OSTN: variants seen among roughly 807,000 people sequenced by gnomAD.
OSTN encodes the protein osteocrin.
Under a neutral mutation model 12.0 loss-of-function variants are expected in OSTN, and 9 were observed. That is an observed-to-expected ratio of 0.75 (90% confidence interval 0.45 to 1.30). The LOEUF is 1.30. Ranked by LOEUF, OSTN falls within the 50% of genes most tolerant of loss-of-function variation. OSTN has a pLI of 0.00. For synonymous variants in OSTN, 59 were observed against 56.9 expected, an observed-to-expected ratio of 1.04 and a Z score of -0.16; for missense variants, 148 against 152.3, an observed-to-expected ratio of 0.97 and a Z score of 0.15.
At chr3:191,205,668 T>C (rs1014797844) in intron 1 of OSTN, among the ~76,000 whole-genome samples, 1 of 152,036 alleles carries the variant, frequency 6.6e-6, no homozygotes, top group Non-Finnish European at 1.5e-5. Context: ...TAGTACTCAA[T>C]TATTTTTAAA....
At chr3:191,245,510 G>A (rs1411160563) in intron 3 of OSTN, among the ~76,000 whole-genome samples, 2 of 152,084 alleles carry the variant, frequency 1.3e-5, no homozygotes, top group African/African-American at 4.8e-5. Context: ...CCATCTCCTG[G>A]TTTCTAATAC....
chr3:191,226,662 CT>C (rs980504226), intron 3 of OSTN, among the ~76,000 whole-genome samples: 4 of 152,082 alleles, frequency 2.6e-5, no homozygotes, highest in Non-Finnish European at 5.9e-5. Context: ...ATTATATAGT[CT>C]TTTTTTACAA....
At chr3:191,211,554 A>G (rs1246965496) in intron 1 of OSTN, among the ~76,000 whole-genome samples, 3 of 152,198 alleles carry the variant, frequency 2.0e-5, no homozygotes, top group East Asian at 3.9e-4. Flanking sequence ...GTAAGAGATA[A>G]GCATTTTCAA....
intron 3 of OSTN, among the ~76,000 whole-genome samples, chr3:191,231,943 AT>A (rs1312547743): frequency 2.0e-5 from 3 of 152,216 alleles, no homozygotes; most frequent in Admixed American, 6.5e-5. Flanking sequence ...ATCAAAAACA[AT>A]TTTTTAATTA....
Position 191,222,068 on chromosome 3 carries a change from T to C in OSTN, c.317+3107T>C, listed in dbSNP as rs114495896. On this transcript the variant is annotated intron_variant, in intron 3 of 4. Transcript: ENST00000682035. ...GGTGCACAGAAGGCAAGAATTGAGG[T>C]TCGCCAACTTCCACCTAGATTTTAG... 1.9e-3 allele frequency among the ~76,000 whole-genome samples: 287 copies of C among 152,350 alleles called. 1 individual carries two copies. Among genetic ancestry groups the C allele is most frequent in the African/African-American group, 6.6e-3 (273 of 41,580 alleles).
intron 4 of OSTN, among the ~76,000 whole-genome samples, chr3:191,251,225 T>C (rs1176878331): frequency 2.0e-5 from 3 of 152,194 alleles, no homozygotes; most frequent in Admixed American, 1.3e-4. Context: ...GTGGTACACA[T>C]AGAATTAAAA....
Position 191,244,881 on chromosome 3 carries a change from G to A in OSTN, c.318-5156G>A, listed in dbSNP as rs1413467466. 3.3e-5 allele frequency among the ~76,000 whole-genome samples: 5 copies of A among 151,914 alleles called. No homozygotes were observed. The East Asian group carries it at 7.7e-4, about 23-fold the overall frequency. ...TTGCAACCAATCCACAATTTGATAAGATGAATCAAAGTAATTATGAATTTG... is the reference window on the plus strand; with the variant it reads ...TTGCAACCAATCCACAATTTGATAAAATGAATCAAAGTAATTATGAATTTG... On this transcript the variant is annotated intron_variant, in intron 3 of 4. Coordinates refer to ENST00000682035, the MANE Select transcript of OSTN (RefSeq NM_198184.2).
intron 3 of OSTN, among the ~76,000 whole-genome samples, chr3:191,234,001 A>AAC (rs138743931): frequency 0.19 from 28,829 of 151,898 alleles, 3,383 homozygotes; most frequent in Middle Eastern, 0.4. Context: ...TCAAAAAAAA[A>AAC]AAAATTGATG....
Position 191,212,552 on chromosome 3 carries a change from C to G in OSTN, c.20C>G (p.Ala7Gly), listed in dbSNP as rs752379265. Residue 7 changes from alanine (A) to glycine (G), a missense_variant, in exon 2 of 5, where the codon GCA becomes GGA. Coordinates refer to ENST00000682035, the MANE Select transcript of OSTN (RefSeq NM_198184.2). Reference sequence around the variant, plus strand: ...CCTTAGATGCTGGACTGGAGATTGGCAAGTGCACATTTCATCCTGGCTGTG... The same window carrying G: ...CCTTAGATGCTGGACTGGAGATTGGGAAGTGCACATTTCATCCTGGCTGTG... MLDWRL[A>G]SAHFILAVTL... is the part of the protein sequence containing the mutation. 4.4e-6 allele frequency: 7 copies of G among 1,588,354 alleles called. No homozygotes were observed. The highest frequency in any genetic ancestry group is 1.7e-5 in the Admixed American group (1 of 59,172).
intron 4 of OSTN, among the ~76,000 whole-genome samples, chr3:191,250,928 TTAAAGGTGCCAGC>T (rs1341774720): frequency 6.6e-6 from 1 of 152,108 alleles, no homozygotes; most frequent in Non-Finnish European, 1.5e-5. Flanking sequence ...TGTATAAGGG[TTAAAGGTGCCAGC>T]TAAAGAGATC....
intron 3 of OSTN, among the ~76,000 whole-genome samples, chr3:191,238,481 A>G (rs1324041225): frequency 6.6e-6 from 1 of 152,212 alleles, no homozygotes; most frequent in Non-Finnish European, 1.5e-5. Context: ...TGCTCAGTAA[A>G]TCTACAGTTT....
At chr3:191,239,071 G>T (rs1372690748) in intron 3 of OSTN, among the ~76,000 whole-genome samples, 1 of 152,212 alleles carries the variant, frequency 6.6e-6, no homozygotes, top group Non-Finnish European at 1.5e-5. Context: ...TATATTACTG[G>T]TGAGGGTGTC....
At chr3:191,208,883 C>T (rs1282676818) in intron 1 of OSTN, among the ~76,000 whole-genome samples, 6 of 152,220 alleles carry the variant, frequency 3.9e-5, no homozygotes, top group Admixed American at 2.0e-4. Context: ...TCAGGCCAGA[C>T]GTGGTGGCTC....
rs144522978 is a variant in OSTN, at chr3:191,243,714, A to G, written c.318-6323A>G. Among the ~76,000 whole-genome samples, 126 of 152,226 alleles carry G rather than the reference A, an allele frequency of 8.3e-4. 1 individual carries two copies. The highest frequency in any genetic ancestry group is 1.3e-3 in the East Asian group (7 of 5,192). Reference sequence around the variant, plus strand: ...TTTTGTTTTGGTGAGAACACTTAAGATCTGCTCTTAGCAAATTTCAAGTAT... The same window carrying G: ...TTTTGTTTTGGTGAGAACACTTAAGGTCTGCTCTTAGCAAATTTCAAGTAT... On this transcript the variant is annotated intron_variant, in intron 3 of 4. Coordinates refer to ENST00000682035, the MANE Select transcript of OSTN (RefSeq NM_198184.2).
At chr3:191,259,923 C>T (rs1015944248) in intron 4 of OSTN, among the ~76,000 whole-genome samples, 6 of 146,776 alleles carry the variant, frequency 4.1e-5, no homozygotes, top group African/African-American at 7.5e-5. Context: ...GGTACAATCT[C>T]GACTTACTGC....
chr3:191,208,955 C>T (rs1353498247), intron 1 of OSTN, among the ~76,000 whole-genome samples: 4 of 152,050 alleles, frequency 2.6e-5, no homozygotes, highest in Non-Finnish European at 4.4e-5. Context: ...GTCAGGAGTT[C>T]GAGAGCAGCC....
At chr3:191,236,606 A>G (rs1048002252) in intron 3 of OSTN, among the ~76,000 whole-genome samples, 1 of 151,790 alleles carries the variant, frequency 6.6e-6, no homozygotes, top group Non-Finnish European at 1.5e-5. Context: ...GGGACAAAGG[A>G]TTGTTAATCT....
intron 4 of OSTN, among the ~76,000 whole-genome samples, chr3:191,259,984 A>T (rs1317056577): frequency 1.3e-5 from 2 of 150,424 alleles, no homozygotes; most frequent in African/African-American, 4.9e-5. Flanking sequence ...CCTCCGGGGT[A>T]GCTGGGACTA....
intron 4 of OSTN, among the ~76,000 whole-genome samples, chr3:191,262,398 G>C (rs1273187170): frequency 6.6e-6 from 1 of 152,138 alleles, no homozygotes; most frequent in Non-Finnish European, 1.5e-5. Flanking sequence ...CTCAAATACA[G>C]CAGAAATCTT....
Sources: allele counts gnomAD v4.1 joint callset (sites outside exome capture counted in the v4.1 genomes callset), GRCh38; gene constraint gnomAD v4.1.1; transcripts MANE v1.5; gene names NCBI Gene and HGNC (gene_info 2026-07-23, HGNC 2026-07-21).